GALNT13: variants seen among roughly 807,000 people sequenced by gnomAD.
GALNT13 encodes UDP-GalNAc:polypeptide N-acetylgalactosaminyltransferase 13.
GALNT13 carries 28 observed loss-of-function variants against 64.2 expected under a neutral mutation model. The observed-to-expected ratio is 0.44, with a 90% confidence interval of 0.32 to 0.60. The LOEUF is 0.60. GALNT13 is among the 20% of genes least tolerant of loss of function. The pLI is 0.05. For missense variants in GALNT13, 577 were observed against 669.8 expected (o/e 0.86, Z 1.53); for synonymous variants, 214 against 224.6 (o/e 0.95, Z 0.42).
the GALNT13 span, among the ~76,000 whole-genome samples, chr2:153,720,665 C>A: frequency 6.6e-6 from 1 of 151,416 alleles, no homozygotes; most frequent in Non-Finnish European, 1.5e-5. Context: ...ATGAAGAATG[C>A]AGAAGCCTCA....
chr2:153,791,644 A>G, the GALNT13 span, among the ~76,000 whole-genome samples: 1 of 152,110 alleles, frequency 6.6e-6, no homozygotes, highest in South Asian at 2.1e-4. Flanking sequence ...TTCCAGCACT[A>G]TTTACGATAG....
intron 12 of GALNT13, chr2:154,446,458 T>A: frequency 2.6e-6 from 3 of 1,159,212 alleles, no homozygotes; most frequent in Non-Finnish European, 3.5e-6. Flanking sequence ...TATTGTGACA[T>A]GTGCCTTCCA....
chr2:154,420,992 A>T (rs1417395272), intron 11 of GALNT13, among the ~76,000 whole-genome samples: 2 of 152,114 alleles, frequency 1.3e-5, no homozygotes, highest in African/African-American at 4.8e-5. Flanking sequence ...TTAGGCAAGG[A>T]TATTCCTAGT....
At chr2:153,335,521 G>T in the GALNT13 span, among the ~76,000 whole-genome samples, 1 of 152,184 alleles carries the variant, frequency 6.6e-6, no homozygotes, top group Non-Finnish European at 1.5e-5. Context: ...GCGGCATTTT[G>T]CCCCTGCCCT....
chr2:153,135,553 A>G, the GALNT13 span, among the ~76,000 whole-genome samples: 1 of 152,270 alleles, frequency 6.6e-6, no homozygotes, highest in East Asian at 1.9e-4. Flanking sequence ...CTCTGTTCCA[A>G]TAATGCTAGG....
chr2:153,105,704 C>G, the GALNT13 span, among the ~76,000 whole-genome samples: 2 of 152,088 alleles, frequency 1.3e-5, no homozygotes, highest in African/African-American at 2.4e-5. Flanking sequence ...ACAAAAATCA[C>G]AAGCATTCTT....
At chr2:153,453,941 T>G in the GALNT13 span, among the ~76,000 whole-genome samples, 1 of 152,128 alleles carries the variant, frequency 6.6e-6, no homozygotes, top group Non-Finnish European at 1.5e-5. Flanking sequence ...CATCCATAAA[T>G]AAGAATGAAA....
chr2:153,718,195 A>G, the GALNT13 span, among the ~76,000 whole-genome samples: 2 of 152,196 alleles, frequency 1.3e-5, no homozygotes, highest in Non-Finnish European at 2.9e-5. Context: ...AACCAAAAAC[A>G]TGCTTAAAAA....
intron 10 of GALNT13, among the ~76,000 whole-genome samples, chr2:154,405,437 T>C (rs887201592): frequency 2.0e-5 from 3 of 151,756 alleles, no homozygotes; most frequent in Admixed American, 1.3e-4. Flanking sequence ...GAAAAACCAA[T>C]GAAATAAAAT....
chr2:153,863,895 T>C, the GALNT13 span, among the ~76,000 whole-genome samples: 4 of 152,306 alleles, frequency 2.6e-5, no homozygotes, highest in Middle Eastern at 3.4e-3. Flanking sequence ...ATTGTGTATG[T>C]GTAATTGCTT....
chr2:153,150,733 G>C, the GALNT13 span, among the ~76,000 whole-genome samples: 1 of 151,818 alleles, frequency 6.6e-6, no homozygotes, highest in Non-Finnish European at 1.5e-5. Flanking sequence ...ATAGGGAATT[G>C]CTTCCCCATT....
intron 4 of GALNT13, among the ~76,000 whole-genome samples, chr2:154,193,212 T>C (rs1686693870): frequency 6.6e-6 from 1 of 152,140 alleles, no homozygotes; most frequent in Admixed American, 6.5e-5. Flanking sequence ...TCATAAATAA[T>C]TTATAATTGT....
At chr2:153,222,992 G>A in the GALNT13 span, among the ~76,000 whole-genome samples, 33 of 152,202 alleles carry the variant, frequency 2.2e-4, no homozygotes, top group Non-Finnish European at 4.4e-5. Flanking sequence ...TGTGACTTCC[G>A]CCTGTTCCCG....
At chr2:154,132,894 CAA>C (rs5835498) in intron 3 of GALNT13, among the ~76,000 whole-genome samples, 2 of 132,492 alleles carry the variant, frequency 1.5e-5, no homozygotes, top group Non-Finnish European at 3.2e-5. Context: ...GACTCTGTCT[CAA>C]AAAAAAAAAA....
At chr2:153,289,850 A>G in the GALNT13 span, among the ~76,000 whole-genome samples, 2 of 152,166 alleles carry the variant, frequency 1.3e-5, no homozygotes, top group Admixed American at 1.3e-4. Context: ...ATGGTAAAAT[A>G]GTACCTAAGA....
chr2:153,403,827 C>G, the GALNT13 span, among the ~76,000 whole-genome samples: 1 of 152,208 alleles, frequency 6.6e-6, no homozygotes, highest in African/African-American at 2.4e-5. Context: ...CGCCCACTGT[C>G]TGGCACTCCC....
At chr2:153,685,935 C>T in the GALNT13 span, among the ~76,000 whole-genome samples, 1 of 151,980 alleles carries the variant, frequency 6.6e-6, no homozygotes, top group Admixed American at 6.6e-5. Flanking sequence ...TCAGGTTTGT[C>T]AAAGATCAGA....
intron 1 of GALNT13, among the ~76,000 whole-genome samples, chr2:153,893,009 G>T (rs1195169123): frequency 6.6e-6 from 1 of 152,072 alleles, no homozygotes; most frequent in African/African-American, 2.4e-5. Flanking sequence ...GATGTTGGTA[G>T]TCTGCTAAGA....
intron 3 of GALNT13, among the ~76,000 whole-genome samples, chr2:154,079,032 A>G (rs1209401868): frequency 1.3e-5 from 2 of 151,806 alleles, no homozygotes; most frequent in East Asian, 3.9e-4. Context: ...TTTCCTTGCT[A>G]AGTGACTATA....
Sources: allele counts gnomAD v4.1 joint callset (sites outside exome capture counted in the v4.1 genomes callset), GRCh38; gene constraint gnomAD v4.1.1; transcripts MANE v1.5; gene names NCBI Gene and HGNC (gene_info 2026-07-23, HGNC 2026-07-21).